Variants in SLC4A4 observed in about 807,000 individuals in gnomAD.
SLC4A4 encodes solute carrier family 4 member 4.
Under a neutral mutation model 111.5 loss-of-function variants are expected in SLC4A4, and 27 were observed. The ratio of observed to expected loss-of-function variants is 0.24; its 90% CI spans 0.18 to 0.33. The LOEUF (loss-of-function observed/expected upper bound fraction) is 0.33. Among genes scored for constraint, SLC4A4 ranks in the 10% least tolerant of loss-of-function variants. The pLI is 1.00. For synonymous variants in SLC4A4, 443 were observed against 463.4 expected, an observed-to-expected ratio of 0.96 and a Z score of 0.57; for missense variants, 909 against 1,315.5, an observed-to-expected ratio of 0.69 and a Z score of 4.78.
chr4:71,189,539 C>T (rs911372468), intron 1 of SLC4A4, among the ~76,000 whole-genome samples: 3 of 152,160 alleles, frequency 2.0e-5, no homozygotes, highest in Non-Finnish European at 4.4e-5. Flanking sequence ...TCGCTGAGTG[C>T]TGGCAGGTAC....
intron 16 of SLC4A4, among the ~76,000 whole-genome samples, chr4:71,519,382 A>G (rs555350615): frequency 6.6e-6 from 1 of 152,224 alleles, no homozygotes. Context: ...TAAGAATGTC[A>G]TGACAATGTA....
In SLC4A4 at chr4:71,142,260, G is replaced by A. The variant is rs184610158; in HGVS notation, c.-2+49468G>A. On this transcript the variant is annotated intron_variant, in intron 2 of 26. Coordinates refer to the SLC4A4 transcript ENST00000649996. ...TTGCAAGTTTGCCTCATGAGTAGCC[G>A]CTTTCTTTTACTAAAACTAACACAA... 1.9e-4 allele frequency among the ~76,000 whole-genome samples: 29 copies of A among 152,282 alleles called. No homozygotes were observed. The East Asian group carries it at 2.5e-3, about 13-fold the overall frequency.
intron 3 of SLC4A4, among the ~76,000 whole-genome samples, chr4:71,276,333 G>A (rs1560838386): frequency 1.3e-5 from 2 of 152,214 alleles, no homozygotes; most frequent in East Asian, 1.9e-4. Flanking sequence ...ACATTGGTGC[G>A]ATGTAGTTAC....
rs560082786 is a variant in SLC4A4 at position 71,238,131 on chromosome 4, A to G, written c.73+1482A>G. Among the ~76,000 whole-genome samples, 4 of 152,330 alleles carry G rather than the reference A, an allele frequency of 2.6e-5. No individual in the cohort carries two copies. In the East Asian group the frequency reaches 5.8e-4, roughly 22 times the overall value. On this transcript the variant is annotated intron_variant, in intron 2 of 25. Transcript: ENST00000264485. ...TAATGTAGCTTTGAGCAAATAGCCTATAGTTTTAAGACAATTGAAGTAGAA... is the reference window on the plus strand; with the variant it reads ...TAATGTAGCTTTGAGCAAATAGCCTGTAGTTTTAAGACAATTGAAGTAGAA...
At chr4:71,136,462 G>A (rs543075223) in intron 2 of SLC4A4, among the ~76,000 whole-genome samples, 5 of 152,306 alleles carry the variant, frequency 3.3e-5, no homozygotes, top group Admixed American at 6.5e-5. Context: ...GTGTTAGTGC[G>A]GGGTTGCCTG....
At chr4:71,347,598 G>C (rs1729438463) in intron 4 of SLC4A4, among the ~76,000 whole-genome samples, 1 of 152,100 alleles carries the variant, frequency 6.6e-6, no homozygotes, top group African/African-American at 2.4e-5. Flanking sequence ...TTCCCTTGGG[G>C]GATAGGATTT....
intron 1 of SLC4A4, among the ~76,000 whole-genome samples, chr4:71,064,015 T>C (rs890646022): frequency 6.6e-6 from 1 of 152,302 alleles, no homozygotes; most frequent in Middle Eastern, 3.4e-3. Flanking sequence ...ACACACTGTA[T>C]GTCTGTATCA....
At chr4:71,358,876 T>G (rs1163882429) in intron 6 of SLC4A4, among the ~76,000 whole-genome samples, 1 of 152,262 alleles carries the variant, frequency 6.6e-6, no homozygotes, top group Non-Finnish European at 1.5e-5. Context: ...ATTTCTTATT[T>G]AATAATCCAC....
chr4:71,204,198 G>A (rs944097277), intron 1 of SLC4A4, among the ~76,000 whole-genome samples: 2 of 152,160 alleles, frequency 1.3e-5, no homozygotes, highest in Non-Finnish European at 2.9e-5. Flanking sequence ...TTCACTTTAA[G>A]TGTGGTTTCC....
chr4:71,332,058 TTC>T (rs1191270489), intron 3 of SLC4A4, among the ~76,000 whole-genome samples: 5 of 152,148 alleles, frequency 3.3e-5, no homozygotes, highest in Non-Finnish European at 5.9e-5. Context: ...TTTATTTGGG[TTC>T]TCTCTTTTTT....
At chr4:71,379,998 G>T (rs900729081) in intron 6 of SLC4A4, among the ~76,000 whole-genome samples, 1 of 152,070 alleles carries the variant, frequency 6.6e-6, no homozygotes, top group Non-Finnish European at 1.5e-5. Context: ...TGACTAAATG[G>T]ACACTTAACC....
intron 1 of SLC4A4, among the ~76,000 whole-genome samples, chr4:71,065,874 G>GT (rs1195543806): frequency 6.6e-6 from 1 of 152,018 alleles, no homozygotes; most frequent in Admixed American, 6.6e-5. Flanking sequence ...AGTAACTGTG[G>GT]TTTTTAATAT....
chr4:71,453,629 CT>C lies in SLC4A4; in HGVS notation c.1461del (p.Phe487LeufsTer40). On this transcript the variant is annotated frameshift_variant, in exon 12 of 26. Coordinates refer to ENST00000264485, the MANE Select transcript of SLC4A4 (RefSeq NM_001098484.3). LOFTEE classifies it high-confidence loss of function. Reference protein sequence around the residue: ...IYLATVTNAITFGGLLGDATD... With the variant: ...IYLATVTNAIXFGGLLGDATD... ...CTGGCAACTGTAACTAATGCTATCA[CT>C]TTTGGAGGACTGCTTGGGGATGCCA... 1 of 1,613,914 alleles carries C rather than the reference CT, an allele frequency of 6.2e-7. No individual in the cohort carries two copies. The highest frequency in any genetic ancestry group is 8.5e-7 in the Non-Finnish European group (1 of 1,179,896).
At chr4:71,462,380 G>A (rs1726911030) in intron 12 of SLC4A4, among the ~76,000 whole-genome samples, 1 of 150,512 alleles carries the variant, frequency 6.6e-6, no homozygotes, top group East Asian at 2.0e-4. Context: ...CCACCTGGAA[G>A]AGACCTTAGA....
chr4:71,331,832 G>A (rs957952164), intron 3 of SLC4A4, among the ~76,000 whole-genome samples: 6 of 151,878 alleles, frequency 4.0e-5, no homozygotes, highest in Non-Finnish European at 8.8e-5. Flanking sequence ...CTAGGAGACC[G>A]TTTATTATGG....
intron 7 of SLC4A4, among the ~76,000 whole-genome samples, chr4:71,421,367 A>C (rs1413847122): frequency 6.6e-6 from 1 of 152,100 alleles, no homozygotes; most frequent in African/African-American, 2.4e-5. Flanking sequence ...AGAGACTGAG[A>C]CTCCCACACA....
intron 3 of SLC4A4, among the ~76,000 whole-genome samples, chr4:71,266,818 A>G (rs1722299823): frequency 6.6e-6 from 1 of 152,212 alleles, no homozygotes; most frequent in African/African-American, 2.4e-5. Context: ...AAGTCAATTC[A>G]TTTCAATTCA....
At chr4:71,423,607 T>A (rs1286903462) in intron 7 of SLC4A4, among the ~76,000 whole-genome samples, 1 of 152,100 alleles carries the variant, frequency 6.6e-6, no homozygotes, top group African/African-American at 2.4e-5. Context: ...AAGGCTACAG[T>A]AACCAAAACA....
At chr4:71,248,023 G>A (rs1183958553) in intron 2 of SLC4A4, among the ~76,000 whole-genome samples, 2 of 151,354 alleles carry the variant, frequency 1.3e-5, no homozygotes, top group East Asian at 3.8e-4. Context: ...CTTGCTTCTG[G>A]ACAGAGTTAG....
Sources: gnomAD v4.1 joint callset for allele counts (sites outside exome capture counted in the v4.1 genomes callset) on GRCh38, gnomAD v4.1.1 for gene constraint, MANE v1.5 for transcripts, NCBI Gene and HGNC (gene_info 2026-07-23, HGNC 2026-07-21) for gene names.